Variants in AMPD2 observed in about 807,000 individuals in gnomAD.
AMPD2 encodes adenosine monophosphate deaminase 2.
In AMPD2, 52 loss-of-function variants were observed where a neutral mutation model predicts 91.3. The observed-to-expected ratio is 0.57, with a 90% CI of 0.46 to 0.72. The LOEUF is 0.72. Ranked by LOEUF, AMPD2 falls within the 30% of genes least tolerant of loss-of-function variation. The pLI, the probability that AMPD2 is intolerant of heterozygous loss-of-function variation, is 0.00. For synonymous variants in AMPD2, 455 were observed against 456.4 expected (o/e 1.00, Z 0.04); for missense variants, 822 against 1,122.3 (o/e 0.73, Z 3.82).
intron 17 of AMPD2, 35 bp from the exon 18 acceptor site, chr1:109,630,648 G>C (rs766548667): frequency 1.3e-6 from 2 of 1,577,640 alleles, no homozygotes; most frequent in Non-Finnish European, 8.6e-7. Context: ...CAGCTGGCCA[G>C]GGCGCACTCG....
intron 9 of AMPD2, 37 bp downstream of exon 9, chr1:109,627,555 C>T: frequency 1.2e-6 from 2 of 1,609,298 alleles, no homozygotes; most frequent in Non-Finnish European, 1.7e-6. Context: ...TAGCTCCCCT[C>T]CCAGCCCAGA....
At position 109,629,009 on chromosome 1, in the gene AMPD2, G is replaced by A. The variant is rs556179297; in HGVS notation, c.1572-100G>A. The A allele has an allele frequency of 2.0e-5, 31 of 1,524,984 alleles. No homozygotes were observed. In the East Asian group the frequency reaches 3.5e-4, roughly 17 times the overall value. 94.5% of individuals were successfully genotyped at this position (1,524,984 alleles called of 1,614,324 possible). A position where few individuals can be genotyped will look rare whatever the true frequency, so the allele number is the denominator to read the frequency against. ...TGCTTTCCCAATATGGTTCAGATGC[G>A]CCCCTGCGCTCTTGGGCCAAGCTCT... On this transcript the variant is annotated intron_variant, in intron 13 of 18. Coordinates refer to ENST00000528667, the MANE Select transcript of AMPD2 (RefSeq NM_001368809.2).
At chr1:109,630,650 GCGCACT>G (rs750061905) in intron 17 of AMPD2, 27 bp from the exon 18 acceptor site, 1 of 1,578,650 alleles carries the variant, frequency 6.3e-7, no homozygotes, top group South Asian at 1.1e-5. Context: ...GCTGGCCAGG[GCGCACT>G]CGTCTGAGGG....
At chr1:109,629,299 T>G in intron 14 of AMPD2, 28 bp from the exon 15 acceptor site, 2 of 1,614,048 alleles carry the variant, frequency 1.2e-6, no homozygotes, top group Non-Finnish European at 1.7e-6. Context: ...GCTGCAGCTC[T>G]GGTTCTGACC....
At chr1:109,629,707 G>A in intron 15 of AMPD2, 89 bp from the exon 16 acceptor site, 2 of 1,489,278 alleles carry the variant, frequency 1.3e-6, no homozygotes, top group Non-Finnish European at 1.8e-6. Flanking sequence ...TTGGCTGGAG[G>A]ACATATGCGT....
Position 109,625,875 on chromosome 1 carries a change from C to A in AMPD2, c.353+83C>A. On this transcript the variant is annotated intron_variant, in intron 4 of 18. Transcript: ENST00000528667. This position sits in a 1 kb window ranked among gnomAD's most constrained non-coding sequence, Gnocchi z 4.0. ...GCCCCTTTTCTGCCTCTTTCCCTCGCACCCTGCCTTGGGGGGTCTGCACAG... is the reference window on the plus strand; with the variant it reads ...GCCCCTTTTCTGCCTCTTTCCCTCGAACCCTGCCTTGGGGGGTCTGCACAG... The A allele has an allele frequency of 1.3e-6, 2 of 1,570,894 alleles. No homozygotes were observed. The highest frequency in any genetic ancestry group is 1.7e-6 in the Non-Finnish European group (2 of 1,155,818).
At chr1:109,626,545 G>A in intron 6 of AMPD2, 118 bp downstream of exon 6, 1 of 1,291,864 alleles carries the variant, frequency 7.7e-7, no homozygotes, top group Non-Finnish European at 1.1e-6. Flanking sequence ...GCAGCTGGAG[G>A]GGCGGAGGGG....
Position 109,629,232 on chromosome 1 carries a change from G to C in AMPD2, c.1695G>C (p.Glu565Asp), listed in dbSNP as rs1231235820. Residue 565 changes from glutamate (E) to aspartate (D), a missense_variant, in exon 14 of 19, where the codon GAG (glutamate) becomes GAC (aspartate). By Grantham distance (45) the Glu-to-Asp change is conservative. Coordinates refer to ENST00000528667, the MANE Select transcript of AMPD2 (RefSeq NM_001368809.2). Reference sequence around the variant, plus strand: ...ACCCGGAACTGCATCTCTTCTTAGAGCACGTGAGCAGGCAGCGCAGAGCTG... The same window carrying C: ...ACCCGGAACTGCATCTCTTCTTAGACCACGTGAGCAGGCAGCGCAGAGCTG... The part of the protein sequence containing the change: ...ASHPELHLFL[E>D]HVDGFDSVDD... 2 of 1,614,160 alleles carry C rather than the reference G, an allele frequency of 1.2e-6. No individual in the cohort carries two copies. Among genetic ancestry groups the C allele is most frequent in the Non-Finnish European group, 8.5e-7 (1 of 1,180,032 alleles).
intron 8 of AMPD2, 29 bp from the exon 9 acceptor site, chr1:109,627,400 C>T (rs1342763606): frequency 1.2e-6 from 2 of 1,614,056 alleles, no homozygotes; most frequent in South Asian, 2.2e-5. Flanking sequence ...TCGGCTTGCT[C>T]TCCTCACCCA....
In AMPD2 at chr1:109,625,904, G is replaced by A; in HGVS notation, c.353+112G>A. The A allele has an allele frequency of 6.7e-7, 1 of 1,487,940 alleles. No homozygotes were observed. Among genetic ancestry groups the A allele is most frequent in the Non-Finnish European group, 9.1e-7 (1 of 1,103,512 alleles). 92.2% of individuals were successfully genotyped at this position (1,487,940 alleles called of 1,614,324 possible). ...CTGCCTTGGGGGGTCTGCACAGGGA[G>A]CATAGAGTGGGCTTTGGAGTCGGGC... On this transcript the variant is annotated intron_variant, in intron 4 of 18. Coordinates refer to ENST00000528667, the MANE Select transcript of AMPD2 (RefSeq NM_001368809.2). This position sits in a 1 kb window ranked among gnomAD's most constrained non-coding sequence, Gnocchi z 4.0.
Position 109,631,153 on chromosome 1 carries a change from G to T in AMPD2, c.*1G>T, listed in dbSNP as rs568686. On this transcript the variant is annotated 3_prime_UTR_variant, in exon 19 of 19. Coordinates refer to ENST00000528667, the MANE Select transcript of AMPD2 (RefSeq NM_001368809.2). ...CACCATGAGCCCAGGGCCTCAATGA[G>T]CCTGGTCCATGAAGTGCCCACCACA... 0.16 allele frequency: 245,953 copies of T among 1,573,362 alleles called. 19,861 individuals are homozygous for T. Among genetic ancestry groups the T allele is most frequent in the Non-Finnish European group, 0.17 (191,311 of 1,159,010 alleles).
At position 109,631,720 on chromosome 1, in the gene AMPD2, A is replaced by C. The variant is rs952379231; in HGVS notation, c.*568A>C. On this transcript the variant is annotated 3_prime_UTR_variant, in exon 19 of 19. Transcript: ENST00000528667. ...CTGAGTGGGTAGACGCAGGCGGCAG[A>C]GGTGCTGGACCACATCTCCGCCAAG... 2 of 162,786 alleles carry C rather than the reference A, an allele frequency of 1.2e-5. No homozygotes were observed. The highest frequency in any genetic ancestry group is 2.4e-5 in the African/African-American group (1 of 41,534). 10.1% of individuals were successfully genotyped at this position (162,786 alleles called of 1,614,324 possible).
rs369742763 is a variant in AMPD2, at chr1:109,628,658, C to T, written c.1423C>T (p.Leu475=). Residue 475 remains leucine (L), a synonymous_variant, in exon 13 of 19, where the codon CTG becomes TTG. Coordinates refer to ENST00000528667, the MANE Select transcript of AMPD2 (RefSeq NM_001368809.2). The surrounding 1 kb of genome is among the most constrained non-coding windows in gnomAD (Gnocchi z 7.1). ...TCATGTCTAGGAGGTGATGTCAGAC[C>T]TGGAGGAGAGCAAATACCAGAATGC... ...AHIIKEVMSD[L]EESKYQNAEL... 4.2e-5 allele frequency: 68 copies of T among 1,613,884 alleles called. No homozygotes were observed. Among genetic ancestry groups the T allele is most frequent in the Non-Finnish European group, 5.8e-5 (68 of 1,179,932 alleles).
rs748469550 is a variant in AMPD2, at chr1:109,625,255, C to G, written c.92-48C>G. ...AGGCAGGGCAGGGGCCCAGGGCTTT[C>G]AGGGGCTGCCCCTCCACCCTTTGAC... On this transcript the variant is annotated intron_variant, in intron 2 of 18. Coordinates refer to ENST00000528667, the MANE Select transcript of AMPD2 (RefSeq NM_001368809.2). This position sits in a 1 kb window ranked among gnomAD's most constrained non-coding sequence, Gnocchi z 4.0. 2 of 1,598,602 alleles carry G rather than the reference C, an allele frequency of 1.3e-6. No individual in the cohort carries two copies. Among genetic ancestry groups the G allele is most frequent in the East Asian group, 2.2e-5 (1 of 44,636 alleles).
Position 109,624,153 on chromosome 1 carries a change from C to T in AMPD2, c.92-1150C>T, listed in dbSNP as rs1321847426. On this transcript the variant is annotated intron_variant, in intron 2 of 18. Transcript: ENST00000528667. This position sits in a 1 kb window ranked among gnomAD's most constrained non-coding sequence, Gnocchi z 5.2. ...GGTCCTGGATCTGGGGCAGGCCCCT[C>T]CCTCTTCCCTTTGTCCAGCTTTGGG... 1 of 858,738 alleles carries T rather than the reference C, an allele frequency of 1.2e-6. No homozygotes were observed. Among genetic ancestry groups the T allele is most frequent in the Non-Finnish European group, 1.4e-6 (1 of 714,150 alleles). 53.2% of individuals were successfully genotyped at this position (858,738 alleles called of 1,614,324 possible).
intron 1 of AMPD2, chr1:109,620,505 C>T: frequency 8.2e-7 from 1 of 1,217,182 alleles, no homozygotes; most frequent in Non-Finnish European, 1.1e-6. Context: ...GTCTCCTGGC[C>T]TTCCTGCCTT....
chr1:109,627,912 T>C lies in AMPD2; in HGVS notation c.1080+9T>C, dbSNP rs202160763. On this transcript the variant is annotated intron_variant, in intron 10 of 18. Transcript: ENST00000528667. ...TCTACAACATCCGCAAGGTGGGCCC[T>C]CACCCCGTGGCCGTCTCCATGTCCT... The C allele has an allele frequency of 1.0e-3, 1,671 of 1,610,952 alleles. 25 individuals carry two copies. The South Asian group carries it at 0.017, about 16-fold the overall frequency.
chr1:109,628,577 A>C lies in AMPD2; in HGVS notation c.1408-66A>C. 1 of 1,611,288 alleles carries C rather than the reference A, an allele frequency of 6.2e-7. No individual in the cohort carries two copies. The highest frequency in any genetic ancestry group is 1.1e-5 in the South Asian group (1 of 90,850). The stretch of plus-strand genomic sequence containing the variant: ...GGGGTGAGACTCAAGGAGGGTAGGC[A>C]GATGACCCCCTGAAGAGCTCTGACT... On this transcript the variant is annotated intron_variant, in intron 12 of 18. Transcript: ENST00000528667. The surrounding 1 kb of genome is among the most constrained non-coding windows in gnomAD (Gnocchi z 7.1).
At chr1:109,620,464 G>C in intron 1 of AMPD2, 186 bp downstream of exon 1, 12 of 1,206,164 alleles carry the variant, frequency 9.9e-6, no homozygotes, top group Non-Finnish European at 1.1e-5. Flanking sequence ...AAAGAGGCTA[G>C]GGTCTCTGTC....
Sources: allele counts gnomAD v4.1 joint callset, GRCh38; gene constraint gnomAD v4.1.1; non-coding constraint Gnocchi (gnomAD v3.1); transcripts MANE v1.5; gene names NCBI Gene and HGNC (gene_info 2026-07-23, HGNC 2026-07-21).